GAS2: variants seen among roughly 807,000 people sequenced by gnomAD.
The protein encoded by GAS2 is growth arrest-specific protein 2.
GAS2 carries 20 observed loss-of-function variants against 37.5 expected under a neutral mutation model. The ratio of observed to expected loss-of-function variants is 0.53; its 90% CI spans 0.37 to 0.77. The LOEUF is 0.77. Among genes scored for constraint, GAS2 ranks in the 30% least tolerant of loss-of-function variants. GAS2 has a pLI of 0.00. For synonymous variants in GAS2, 144 were observed against 132.2 expected (o/e 1.09, Z -0.61); for missense variants, 336 against 373.4 (o/e 0.90, Z 0.82).
intron 7 of GAS2, among the ~76,000 whole-genome samples, chr11:22,776,973 T>G (rs1024671099): frequency 6.6e-6 from 1 of 152,172 alleles, no homozygotes; most frequent in African/African-American, 2.4e-5. Flanking sequence ...ATTACCATTT[T>G]ATGAGGATCA....
At chr11:22,735,224 C>CTT (rs397750049) in intron 4 of GAS2, among the ~76,000 whole-genome samples, 15,572 of 109,100 alleles carry the variant, frequency 0.14, 1,543 homozygotes, top group East Asian at 0.24. Flanking sequence ...ACCAATCATT[C>CTT]TTTTTTTTTT....
intron 3 of GAS2, among the ~76,000 whole-genome samples, chr11:22,705,585 A>C (rs1851076070): frequency 1.3e-5 from 2 of 152,206 alleles, no homozygotes; most frequent in South Asian, 4.1e-4. Context: ...ATATCAATGG[A>C]AGTGCTAAAT....
At chr11:22,685,627 A>G (rs749793287) in intron 2 of GAS2, 41 bp from the exon 3 acceptor site, 5 of 1,596,364 alleles carry the variant, frequency 3.1e-6, no homozygotes, top group Non-Finnish European at 4.3e-6. Context: ...TGAATCTGAC[A>G]TTTGATTTTC....
chr11:22,745,910 C>T (rs922671447), intron 5 of GAS2, among the ~76,000 whole-genome samples: 4 of 152,208 alleles, frequency 2.6e-5, no homozygotes, highest in Non-Finnish European at 5.9e-5. Context: ...TGGCTGACAC[C>T]TGTAATGCCA....
intron 7 of GAS2, among the ~76,000 whole-genome samples, chr11:22,772,110 C>G (rs763665951): frequency 7.2e-5 from 11 of 151,932 alleles, no homozygotes; most frequent in Non-Finnish European, 1.0e-4. Flanking sequence ...GGCAGAAACA[C>G]CAGACATAAC....
intron 3 of GAS2, among the ~76,000 whole-genome samples, chr11:22,709,225 A>C (rs1481399584): frequency 2.6e-5 from 4 of 151,336 alleles, no homozygotes; most frequent in Non-Finnish European, 4.4e-5. Flanking sequence ...AAAAAACCAC[A>C]GAAGACATTG....
Position 22,749,183 on chromosome 11 carries a change from T to C in GAS2, c.537T>C (p.Leu179=). The change falls in exon 6 of 8, where the codon CTT becomes CTC. Residue 179 remains leucine, a synonymous_variant. Transcript: ENST00000454584. ...LEKEIEQEET[L]SAPSPSPSPS... ...AAGAGATTGAACAAGAAGAAACACTTTCTGCCCCTTCTCCTTCACCTTCTC... is the reference window on the plus strand; with the variant it reads ...AAGAGATTGAACAAGAAGAAACACTCTCTGCCCCTTCTCCTTCACCTTCTC... The C allele has an allele frequency of 6.2e-7, 1 of 1,612,614 alleles. No individual in the cohort carries two copies. Among genetic ancestry groups the C allele is most frequent in the African/African-American group, 1.3e-5 (1 of 74,940 alleles).
At position 22,811,779 on chromosome 11, in the gene GAS2, T is replaced by C. The variant is rs751210486; in HGVS notation, c.724-19T>C. Reference sequence around the variant, plus strand: ...AAGAATTCTCGGAATTTAACACTTTTGATATTTTTTCATTTCAGATGCTGC... The same window carrying C: ...AAGAATTCTCGGAATTTAACACTTTCGATATTTTTTCATTTCAGATGCTGC... On this transcript the variant is annotated intron_variant, in intron 7 of 7. Transcript: ENST00000454584. 1.2e-6 allele frequency: 2 copies of C among 1,610,154 alleles called. No individual in the cohort carries two copies. Among genetic ancestry groups the C allele is most frequent in the East Asian group, 4.5e-5 (2 of 44,856 alleles).
chr11:22,730,077 C>T (rs1852401187), intron 4 of GAS2, among the ~76,000 whole-genome samples: 3 of 151,462 alleles, frequency 2.0e-5, no homozygotes, highest in Admixed American at 2.0e-4. Context: ...CCATAGATGC[C>T]ATCCAAAGAC....
At chr11:22,648,590 T>C (rs548700452) in intron 1 of GAS2, among the ~76,000 whole-genome samples, 1 of 152,322 alleles carries the variant, frequency 6.6e-6, no homozygotes, top group South Asian at 2.1e-4. Flanking sequence ...TGTATCCTCT[T>C]TTATTTCATT....
chr11:22,723,377 A>G (rs1852037187), intron 3 of GAS2, among the ~76,000 whole-genome samples: 1 of 151,938 alleles, frequency 6.6e-6, no homozygotes, highest in African/African-American at 2.4e-5. Context: ...TATGATAGGT[A>G]CGTGACTTTG....
At chr11:22,765,659 G>A (rs942370220) in intron 7 of GAS2, among the ~76,000 whole-genome samples, 15 of 151,874 alleles carry the variant, frequency 9.9e-5, no homozygotes, top group Admixed American at 9.8e-4. Context: ...GGCACCTGTA[G>A]TCCCAGCTAC....
At chr11:22,788,790 A>G (rs1855947299) in intron 7 of GAS2, among the ~76,000 whole-genome samples, 1 of 152,148 alleles carries the variant, frequency 6.6e-6, no homozygotes, top group Admixed American at 6.5e-5. Context: ...AAATTTTGTG[A>G]TTAAATAATT....
At chr11:22,811,663 A>G in intron 7 of GAS2, 135 bp from the exon 8 acceptor site, 1 of 791,266 alleles carries the variant, frequency 1.3e-6, no homozygotes, top group East Asian at 2.6e-5. Context: ...GCTAACTCAG[A>G]CATTTTGCAC....
At chr11:22,806,172 A>G (rs1463973316) in intron 7 of GAS2, among the ~76,000 whole-genome samples, 1 of 152,124 alleles carries the variant, frequency 6.6e-6, no homozygotes, top group Admixed American at 6.6e-5. Context: ...TCTCATTCAC[A>G]TGCCTCCGAC....
At chr11:22,748,937 A>G (rs1853567650) in intron 5 of GAS2, among the ~76,000 whole-genome samples, 183 bp from the exon 6 acceptor site, 1 of 152,100 alleles carries the variant, frequency 6.6e-6, no homozygotes, top group South Asian at 2.1e-4. Context: ...GCAGGTATAC[A>G]TGTTTTGCCT....
intron 3 of GAS2, among the ~76,000 whole-genome samples, chr11:22,694,070 T>C (rs1331000261): frequency 6.6e-6 from 1 of 152,114 alleles, no homozygotes; most frequent in African/African-American, 2.4e-5. Context: ...GGTACTAGGC[T>C]TAATACCTGG....
At chr11:22,704,813 G>A (rs1040293199) in intron 3 of GAS2, among the ~76,000 whole-genome samples, 1 of 151,594 alleles carries the variant, frequency 6.6e-6, no homozygotes, top group African/African-American at 2.4e-5. Flanking sequence ...TCTAATGAAT[G>A]TGTATGCAAA....
At chr11:22,703,510 G>T (rs1014752518) in intron 3 of GAS2, among the ~76,000 whole-genome samples, 1 of 152,276 alleles carries the variant, frequency 6.6e-6, no homozygotes, top group Non-Finnish European at 1.5e-5. Flanking sequence ...TTCTTAAAGG[G>T]AAACATTCAT....
Sources: gnomAD v4.1 joint callset for allele counts (sites outside exome capture counted in the v4.1 genomes callset) on GRCh38, gnomAD v4.1.1 for gene constraint, MANE v1.5 for transcripts, NCBI Gene and HGNC (gene_info 2026-07-23, HGNC 2026-07-21) for gene names.